ABHD6: variants seen among roughly 807,000 people sequenced by gnomAD.
ABHD6 encodes abhydrolase domain containing 6, acylglycerol lipase, also known as monoacylglycerol lipase ABHD6.
In ABHD6, 33 loss-of-function variants were observed where a neutral mutation model predicts 38.8. That is an observed-to-expected ratio of 0.85 (90% CI 0.64 to 1.14). The LOEUF is 1.14. Ranked by LOEUF, ABHD6 falls within the 50% of genes most tolerant of loss-of-function variation. The probability of loss-of-function intolerance (pLI) is 0.00; values close to 1 mark genes in which losing one functional copy is unlikely to be tolerated. For missense variants in ABHD6, 380 were observed against 422.6 expected (o/e 0.90, Z 0.88); for synonymous variants, 147 against 161.6 (o/e 0.91, Z 0.69).
In ABHD6 at chr3:58,256,015, GATTCCCCAGTGGT is replaced by G; in HGVS notation, c.-25-546_-25-534del. 6.6e-6 allele frequency among the ~76,000 whole-genome samples: 1 copy of G among 151,304 alleles called. No homozygotes were observed. Among genetic ancestry groups the G allele is most frequent in the Admixed American group, 6.6e-5 (1 of 15,088 alleles). On this transcript the variant is annotated intron_variant, in intron 2 of 9. Transcript: ENST00000478253. This position sits in a 1 kb window ranked among gnomAD's most constrained non-coding sequence, Gnocchi z 4.3. ...GATAATATCATGTAACCTTCACCTG[GATTCCCCAGTGGT>G]TAGCATTTTACCATATTTGCTTTAT...
chr3:58,262,971 A>T (rs1488303632), intron 3 of ABHD6, among the ~76,000 whole-genome samples: 2 of 152,160 alleles, frequency 1.3e-5, no homozygotes, highest in Non-Finnish European at 2.9e-5. Context: ...GCACTTTGGA[A>T]GGCCGAGGTG....
Position 58,256,897 on chromosome 3 carries a change from G to GGTTT in ABHD6, c.119+209_119+212dup, listed in dbSNP as rs373526815. 0.023 allele frequency among the ~76,000 whole-genome samples: 3,543 copies of GGTTT among 152,022 alleles called. 142 individuals are homozygous for GGTTT. The highest frequency in any genetic ancestry group is 0.08 in the African/African-American group (3,317 of 41,438). On this transcript the variant is annotated intron_variant, in intron 3 of 9. Transcript: ENST00000478253. The surrounding 1 kb of genome is among the most constrained non-coding windows in gnomAD (Gnocchi z 4.3). ...GAATATTACCAGATCAGTTCTTTCA[G>GGTTT]GTTTGTTTGTTTGTTTGTTTTTTGG...
At chr3:58,245,826 A>AG (rs1457778866) in intron 1 of ABHD6, among the ~76,000 whole-genome samples, 3 of 94,426 alleles carry the variant, frequency 3.2e-5, no homozygotes, top group East Asian at 5.7e-4. Flanking sequence ...AGAAAGAAAG[A>AG]AAAAGAAAGA....
At chr3:58,258,316 AT>A (rs2097434727) in intron 3 of ABHD6, 5 of 412,216 alleles carry the variant, frequency 1.2e-5, no homozygotes, top group Admixed American at 5.7e-5. Context: ...TCAAAAAAAA[AT>A]ATGTATATAT....
At chr3:58,288,221 C>T (rs1164754824) in intron 9 of ABHD6, among the ~76,000 whole-genome samples, 1 of 152,178 alleles carries the variant, frequency 6.6e-6, no homozygotes, top group Non-Finnish European at 1.5e-5. Context: ...CTGTCATCAA[C>T]ATTTGGTGTC....
At chr3:58,252,323 C>T (rs928333270) in intron 2 of ABHD6, among the ~76,000 whole-genome samples, 2 of 144,662 alleles carry the variant, frequency 1.4e-5, no homozygotes, top group Non-Finnish European at 3.0e-5. Context: ...AAGTAATCCT[C>T]CCACCTGAGT....
At position 58,267,632 on chromosome 3, in the gene ABHD6, T is replaced by G. The variant is rs2097442070; in HGVS notation, c.276+287T>G. On this transcript the variant is annotated intron_variant, in intron 4 of 9. Coordinates refer to ENST00000478253, the MANE Select transcript of ABHD6 (RefSeq NM_001320126.2). This position sits in a 1 kb window ranked among gnomAD's most constrained non-coding sequence, Gnocchi z 4.3. ...GTGAGCAATGATCATGCCACTGCACTTAGCCTGGGCAACAGAATAAGACTC... is the reference window on the plus strand; with the variant it reads ...GTGAGCAATGATCATGCCACTGCACGTAGCCTGGGCAACAGAATAAGACTC... 6.6e-6 allele frequency among the ~76,000 whole-genome samples: 1 copy of G among 151,794 alleles called. No individual in the cohort carries two copies. Among genetic ancestry groups the G allele is most frequent in the South Asian group, 2.1e-4 (1 of 4,806 alleles).
intron 9 of ABHD6, among the ~76,000 whole-genome samples, chr3:58,286,826 G>A (rs1358560789): frequency 1.8e-5 from 1 of 56,510 alleles, no homozygotes; most frequent in South Asian, 6.4e-4. Flanking sequence ...TCATATATGT[G>A]TGTGTGTGTG....
At chr3:58,281,903 A>T (rs1297824169) in intron 7 of ABHD6, among the ~76,000 whole-genome samples, 1 of 151,960 alleles carries the variant, frequency 6.6e-6, no homozygotes, top group Non-Finnish European at 1.5e-5. Flanking sequence ...ATTGCTTGAG[A>T]CTAGGAGTTC....
chr3:58,253,828 G>A (rs2097431516), intron 2 of ABHD6, among the ~76,000 whole-genome samples: 1 of 152,194 alleles, frequency 6.6e-6, no homozygotes, highest in Non-Finnish European at 1.5e-5. Flanking sequence ...CAAAGACAGT[G>A]CTTATGCCCT....
chr3:58,250,947 C>T lies in ABHD6; in HGVS notation c.-26+1005C>T, dbSNP rs552753233. Among the ~76,000 whole-genome samples, 15 of 152,312 alleles carry T rather than the reference C, an allele frequency of 9.8e-5. No individual in the cohort carries two copies. In the East Asian group the frequency reaches 1.2e-3, roughly 12 times the overall value. The stretch of plus-strand genomic sequence containing the variant: ...CTGGTGCCTCTTCACCTTTGCCTAA[C>T]AGGAGTGGTGAGCAAGTAGGAGAAT... On this transcript the variant is annotated intron_variant, in intron 2 of 9. Transcript: ENST00000478253.
chr3:58,288,779 G>C (rs995849824), intron 9 of ABHD6, among the ~76,000 whole-genome samples: 4 of 152,292 alleles, frequency 2.6e-5, no homozygotes, highest in Non-Finnish European at 2.9e-5. Context: ...TAACAGGCCC[G>C]AGACAAGGGT....
At chr3:58,258,278 G>A (rs1351183496) in intron 3 of ABHD6, 1 of 362,506 alleles carries the variant, frequency 2.8e-6, no homozygotes, top group Non-Finnish European at 5.6e-6. Flanking sequence ...TTGCACTCCA[G>A]CCTGGGCAAC....
chr3:58,274,568 C>A, intron 6 of ABHD6, 90 bp from the exon 7 acceptor site: 1 of 1,356,532 alleles, frequency 7.4e-7, no homozygotes, highest in Non-Finnish European at 1.0e-6. Flanking sequence ...AATATATTAA[C>A]TCTGGGCTGC....
At chr3:58,279,892 T>G (rs554298263) in intron 7 of ABHD6, among the ~76,000 whole-genome samples, 1 of 152,336 alleles carries the variant, frequency 6.6e-6, no homozygotes, top group East Asian at 1.9e-4. Flanking sequence ...GAAAATTCTT[T>G]TCTTTAAGAA....
At chr3:58,281,847 G>A (rs576071909) in intron 7 of ABHD6, among the ~76,000 whole-genome samples, 2 of 152,300 alleles carry the variant, frequency 1.3e-5, no homozygotes, top group East Asian at 3.9e-4. Flanking sequence ...CGGGTGCGGT[G>A]GTTCATGCCT....
At chr3:58,268,021 C>A (rs937057646) in intron 4 of ABHD6, among the ~76,000 whole-genome samples, 2 of 152,132 alleles carry the variant, frequency 1.3e-5, no homozygotes, top group Non-Finnish European at 2.9e-5. Context: ...TGCAGTGAAC[C>A]AAGATCGTGC....
rs1218688555 is a variant in ABHD6, at chr3:58,267,389, G to A, written c.276+44G>A. 1 of 1,609,288 alleles carries A rather than the reference G, an allele frequency of 6.2e-7. No homozygotes were observed. The highest frequency in any genetic ancestry group is 8.5e-7 in the Non-Finnish European group (1 of 1,177,492). On this transcript the variant is annotated intron_variant, in intron 4 of 9. Coordinates refer to ENST00000478253, the MANE Select transcript of ABHD6 (RefSeq NM_001320126.2). The surrounding 1 kb of genome is among the most constrained non-coding windows in gnomAD (Gnocchi z 4.3). ...CTCTCTTATAAGAAAAGGGAGTTGG[G>A]TGCTGTGGCTCATGCCTATAATCCC...
At chr3:58,260,182 A>G (rs573363963) in intron 3 of ABHD6, among the ~76,000 whole-genome samples, 5 of 152,356 alleles carry the variant, frequency 3.3e-5, no homozygotes, top group Admixed American at 1.3e-4. Context: ...ACCACAAAAA[A>G]ACCAGAGAAG....
Sources: gnomAD v4.1 joint callset for allele counts (sites outside exome capture counted in the v4.1 genomes callset) on GRCh38, gnomAD v4.1.1 for gene constraint, Gnocchi (gnomAD v3.1) non-coding constraint, MANE v1.5 for transcripts, NCBI Gene and HGNC (gene_info 2026-07-23, HGNC 2026-07-21) for gene names.